ARHGEF1: variants seen among roughly 807,000 people sequenced by gnomAD.
ARHGEF1 encodes the protein Rho guanine nucleotide exchange factor 1.
ARHGEF1 carries 40 observed loss-of-function variants against 119.7 expected under a neutral mutation model. The ratio of observed to expected loss-of-function variants is 0.33; its 90% CI spans 0.26 to 0.44. The LOEUF (loss-of-function observed/expected upper bound fraction) is 0.44. Among genes scored for constraint, ARHGEF1 ranks in the 20% least tolerant of loss-of-function variants. The probability of loss-of-function intolerance (pLI) is 1.00; values close to 1 mark genes in which losing one functional copy is unlikely to be tolerated. For synonymous variants in ARHGEF1, 494 were observed against 521.0 expected (o/e 0.95, Z 0.71); for missense variants, 976 against 1,268.3 (o/e 0.77, Z 3.50).
In ARHGEF1 at chr19:41,889,152, C is replaced by T; in HGVS notation, c.225+287C>T. On this transcript the variant is annotated intron_variant, in intron 4 of 28. Coordinates refer to ENST00000354532, the MANE Select transcript of ARHGEF1 (RefSeq NM_004706.4). The surrounding 1 kb of genome is among the most constrained non-coding windows in gnomAD (Gnocchi z 4.0). ...GAGTCCAGCAGCCTGGCAGAAACCA[C>T]ATCCCATCCCACTCTGTGCCTGTGG... is the stretch of plus-strand genomic sequence containing the variant. 3.0e-6 allele frequency: 1 copy of T among 330,610 alleles called. No homozygotes were observed. Among genetic ancestry groups the T allele is most frequent in the Non-Finnish European group, 5.7e-6 (1 of 176,650 alleles). The allele number at this position is 330,610 out of a possible 1,614,324, so 20.5% of individuals were successfully genotyped here.
rs782073270 is a variant in ARHGEF1 at position 41,898,603 on chromosome 19, A to G, written c.1267+16A>G. 6.3e-7 allele frequency: 1 copy of G among 1,580,942 alleles called. No homozygotes were observed. On this transcript the variant is annotated intron_variant, in intron 14 of 28. Transcript: ENST00000354532. ...GTCATCAGCGGTGAGTACTGCCCCC[A>G]TCACCCCACTGTGGCCAAGGACACA...
chr19:41,905,490 T>TATGCATATGTGTGCATGC lies in ARHGEF1; in HGVS notation c.2336+230_2336+247dup. ...TGTGTGTGCGTGTATGGTGTGTGTG[T>TATGCATATGTGTGCATGC]ATGCATATGTGTGCATGCGTGTGAC... On this transcript the variant is annotated intron_variant, in intron 24 of 28. Coordinates refer to ENST00000354532, the MANE Select transcript of ARHGEF1 (RefSeq NM_004706.4). This position sits in a 1 kb window ranked among gnomAD's most constrained non-coding sequence, Gnocchi z 6.4. The TATGCATATGTGTGCATGC allele has an allele frequency of 1.6e-6, 1 of 612,744 alleles. No individual in the cohort carries two copies. The highest frequency in any genetic ancestry group is 2.0e-5 in the South Asian group (1 of 50,964). 38.0% of individuals were successfully genotyped at this position (612,744 alleles called of 1,614,324 possible).
chr19:41,904,067 C>T lies in ARHGEF1; in HGVS notation c.1950C>T (p.His650=), dbSNP rs781819264. 37 of 1,614,128 alleles carry T rather than the reference C, an allele frequency of 2.3e-5. No individual in the cohort carries two copies. The highest frequency in any genetic ancestry group is 4.5e-5 in the East Asian group (2 of 44,878). Reference sequence around the variant, plus strand: ...ACATCACCAAGAAGAAATTGGTCCACGAGGGCCCACTGACGTGGCGGGTGA... The same window carrying T: ...ACATCACCAAGAAGAAATTGGTCCATGAGGGCCCACTGACGTGGCGGGTGA... The part of the protein sequence containing the change: ...NLDITKKKLV[H]EGPLTWRVTK... Residue 650 remains histidine, a synonymous_variant, in exon 21 of 29, where the codon CAC becomes CAT. Transcript: ENST00000354532. The surrounding 1 kb of genome is among the most constrained non-coding windows in gnomAD (Gnocchi z 8.4).
At chr19:41,911,879 A>G (rs1438152544), downstream of ARHGEF1, among the ~76,000 whole-genome samples, 1 of 144,214 alleles carries the variant, frequency 6.9e-6, no homozygotes. Flanking sequence ...AGACACACAC[A>G]TGTGACAGAC....
chr19:41,921,030 T>C (rs995483716), upstream of ARHGEF1, among the ~76,000 whole-genome samples: 1 of 152,104 alleles, frequency 6.6e-6, no homozygotes, highest in African/African-American at 2.4e-5. The surrounding 1 kb of genome is among the most constrained non-coding windows in gnomAD (Gnocchi z 4.4). Flanking sequence ...ACAGCAGCGC[T>C]CCGAATGGTG....
chr19:41,911,312 C>T (rs2074750042), downstream of ARHGEF1, among the ~76,000 whole-genome samples: 1 of 152,218 alleles, frequency 6.6e-6, no homozygotes, highest in Non-Finnish European at 1.5e-5. Context: ...TGTCCCCTTC[C>T]CCCTCCTCAG....
downstream of ARHGEF1, chr19:41,909,804 C>T: frequency 6.6e-7 from 1 of 1,504,138 alleles, no homozygotes; most frequent in African/African-American, 1.4e-5. This position sits in a 1 kb window ranked among gnomAD's most constrained non-coding sequence, Gnocchi z 5.2. Flanking sequence ...AGAGGGGGCA[C>T]CAGAGGGACA....
downstream of ARHGEF1, chr19:41,907,556 A>G (rs1165933778): frequency 1.5e-6 from 1 of 677,868 alleles, no homozygotes; most frequent in Admixed American, 3.2e-5. Context: ...GCCTCCCTCC[A>G]GTTGTTCATT....
chr19:41,926,653 G>C (rs1393940584), intron 1 of ARHGEF1, among the ~76,000 whole-genome samples: 1 of 152,128 alleles, frequency 6.6e-6, no homozygotes, highest in Non-Finnish European at 1.5e-5. Flanking sequence ...CTGCCGGGCA[G>C]CCAGGGCCCC....
At chr19:41,926,700 C>A (rs1172236027) in intron 1 of ARHGEF1, among the ~76,000 whole-genome samples, 3 of 148,156 alleles carry the variant, frequency 2.0e-5, no homozygotes, top group Non-Finnish European at 4.5e-5. Context: ...GTCTGGGCCG[C>A]GGCGGCCGGC....
intron 1 of ARHGEF1, among the ~76,000 whole-genome samples, chr19:41,927,875 A>T (rs1599683426): frequency 6.8e-6 from 1 of 147,338 alleles, no homozygotes; most frequent in Admixed American, 6.7e-5. Context: ...GCGCTGCCCC[A>T]CCTGCCCCTT....
Position 41,888,916 on chromosome 19 carries a change from C to T in ARHGEF1, c.225+51C>T. 6.7e-7 allele frequency: 1 copy of T among 1,496,702 alleles called. No homozygotes were observed. Among genetic ancestry groups the T allele is most frequent in the South Asian group, 1.2e-5 (1 of 85,562 alleles). The allele number at this position is 1,496,702 out of a possible 1,614,324, so 92.7% of individuals were successfully genotyped here. On this transcript the variant is annotated intron_variant, in intron 4 of 28. Transcript: ENST00000354532. This position sits in a 1 kb window ranked among gnomAD's most constrained non-coding sequence, Gnocchi z 5.1. ...GGGAGGGGTGGGGCTGGGACAGGCA[C>T]AGCTTTTAGCGAATTAAACCAGCGA...
In ARHGEF1 at chr19:41,926,765, C is replaced by G. The variant is rs1324711294; in HGVS notation, c.141-2066C>G. On this transcript the variant is annotated intron_variant, in intron 1 of 2. Coordinates refer to the ARHGEF1 transcript ENST00000594417. Reference sequence around the variant, plus strand: ...TTAGCCGTGATAGATCCGCGCGCCGCTTGTCTCTTAATCTCCAGAGCGACC... The same window carrying G: ...TTAGCCGTGATAGATCCGCGCGCCGGTTGTCTCTTAATCTCCAGAGCGACC... Among the ~76,000 whole-genome samples the G allele has an allele frequency of 2.0e-5, 3 of 152,202 alleles. No homozygotes were observed. The South Asian group carries it at 6.2e-4, about 31-fold the overall frequency.
upstream of ARHGEF1, among the ~76,000 whole-genome samples, chr19:41,920,599 T>TA (rs2074836570): frequency 6.6e-6 from 1 of 152,082 alleles, no homozygotes; most frequent in Admixed American, 6.5e-5. Context: ...AGACAGGACA[T>TA]GTGTGGCTCC....
chr19:41,917,843 C>T lies in ARHGEF1; in HGVS notation c.1866-5249C>T, dbSNP rs2074811238. Among the ~76,000 whole-genome samples, 1 of 152,008 alleles carries T rather than the reference C, an allele frequency of 6.6e-6. No individual in the cohort carries two copies. The highest frequency in any genetic ancestry group is 1.5e-5 in the Non-Finnish European group (1 of 68,000). On this transcript the variant is annotated intron_variant, in intron 18 of 20. Transcript: ENST00000599589. The surrounding 1 kb of genome is among the most constrained non-coding windows in gnomAD (Gnocchi z 4.8). ...CCAGCCATGGGACGGCTGCCAGCCCCACCCATCTGTTGCCACACAAACGAG... is the reference window on the plus strand; with the variant it reads ...CCAGCCATGGGACGGCTGCCAGCCCTACCCATCTGTTGCCACACAAACGAG...
At chr19:41,922,816 A>G (rs921125142), upstream of ARHGEF1, among the ~76,000 whole-genome samples, 5 of 152,178 alleles carry the variant, frequency 3.3e-5, no homozygotes, top group Admixed American at 2.6e-4. Flanking sequence ...GCAATAAATT[A>G]TTGTGACAAG....
chr19:41,925,776 A>AGC (rs2074867672), intron 1 of ARHGEF1, among the ~76,000 whole-genome samples: 1 of 152,010 alleles, frequency 6.6e-6, no homozygotes. Context: ...GAGGGATGTG[A>AGC]GCGACAGGTG....
chr19:41,893,243 T>C, intron 7 of ARHGEF1, 31 bp from the exon 8 acceptor site: 1 of 1,612,064 alleles, frequency 6.2e-7, no homozygotes, highest in Non-Finnish European at 8.5e-7. Flanking sequence ...GCCTAGCAAA[T>C]ATGTCACAAA....
At chr19:41,914,497 G>A (rs1470866203) in intron 18 of ARHGEF1, among the ~76,000 whole-genome samples, 7 of 149,794 alleles carry the variant, frequency 4.7e-5, no homozygotes, top group African/African-American at 1.8e-4. Flanking sequence ...TTCCCAGTGT[G>A]TCCATCTCTG....
Sources: gnomAD v4.1 joint callset for allele counts (sites outside exome capture counted in the v4.1 genomes callset) on GRCh38, gnomAD v4.1.1 for gene constraint, Gnocchi (gnomAD v3.1) non-coding constraint, MANE v1.5 for transcripts, NCBI Gene and HGNC (gene_info 2026-07-23, HGNC 2026-07-21) for gene names.